DIP2C: variants seen among roughly 807,000 people sequenced by gnomAD.
DIP2C encodes DIP2 acetate--CoA ligase C (putative).
DIP2C carries 33 observed loss-of-function variants against 192.4 expected under a neutral mutation model. The observed-to-expected ratio is 0.17, with a 90% CI of 0.13 to 0.23. The LOEUF is 0.23. Ranked by LOEUF, DIP2C falls within the 10% of genes least tolerant of loss-of-function variation. The pLI, the probability that DIP2C is intolerant of heterozygous loss-of-function variation, is 1.00. For missense variants in DIP2C, 1,537 were observed against 2,110.1 expected (o/e 0.73, Z 5.32); for synonymous variants, 979 against 864.1 (o/e 1.13, Z -2.33).
chr10:550,808 G>C (rs1848543402), intron 1 of DIP2C, among the ~76,000 whole-genome samples: 1 of 152,226 alleles, frequency 6.6e-6, no homozygotes, highest in Non-Finnish European at 1.5e-5. Flanking sequence ...GAAGCAACAG[G>C]GAAGCAAGAA....
chr10:413,886 A>G (rs773657498), intron 8 of DIP2C, 27 bp downstream of exon 8: 1 of 1,602,856 alleles, frequency 6.2e-7, no homozygotes, highest in South Asian at 1.1e-5. Flanking sequence ...GGGTGGGCAA[A>G]GGGCAGAGAG....
chr10:610,820 A>G (rs567431921), intron 1 of DIP2C, among the ~76,000 whole-genome samples: 1 of 144,394 alleles, frequency 6.9e-6, no homozygotes, highest in South Asian at 2.3e-4. Context: ...CTAACGCCCC[A>G]GTGTTGGAGG....
intron 1 of DIP2C, among the ~76,000 whole-genome samples, chr10:597,437 AAT>A (rs1291726720): frequency 6.9e-6 from 1 of 144,530 alleles, no homozygotes; most frequent in Non-Finnish European, 1.6e-5. Flanking sequence ...TTCTAGCCCC[AAT>A]ATCCCAGTGC....
intron 1 of DIP2C, among the ~76,000 whole-genome samples, chr10:498,449 T>A (rs1845007890): frequency 6.6e-6 from 1 of 152,122 alleles, no homozygotes; most frequent in Admixed American, 6.5e-5. Flanking sequence ...CAGGCGCCAG[T>A]GGAGATGCTT....
chr10:477,178 CAA>C (rs140620187), intron 2 of DIP2C, among the ~76,000 whole-genome samples: 1,953 of 143,034 alleles, frequency 0.014, 52 homozygotes, highest in African/African-American at 0.049. Context: ...ACAGGCTTAG[CAA>C]AGTCAGCAAA....
intron 1 of DIP2C, among the ~76,000 whole-genome samples, chr10:637,112 T>C (rs567896492): frequency 1.3e-5 from 2 of 152,384 alleles, no homozygotes; most frequent in Admixed American, 6.5e-5. Flanking sequence ...CGGTCCCACC[T>C]GCGTAAGATG....
Position 398,088 on chromosome 10 carries a change from T to C in DIP2C, c.1260+1021A>G, listed in dbSNP as rs541912591. 3.4e-4 allele frequency among the ~76,000 whole-genome samples: 52 copies of C among 152,352 alleles called. 1 individual carries two copies. The highest frequency in any genetic ancestry group is 6.3e-4 in the Non-Finnish European group (43 of 68,034). On this transcript the variant is annotated intron_variant, in intron 10 of 36. Transcript: ENST00000280886. ...CTCAAAATATATTTCTTTGACATAG[T>C]TTGAAATAGCCCTATAAAGCTCTCT...
At chr10:626,937 C>T (rs1854240509) in intron 1 of DIP2C, among the ~76,000 whole-genome samples, 1 of 152,272 alleles carries the variant, frequency 6.6e-6, no homozygotes, top group South Asian at 2.1e-4. Flanking sequence ...TTTCCACCCA[C>T]CAGCTACCAC....
intron 24 of DIP2C, among the ~76,000 whole-genome samples, chr10:351,108 C>A (rs78121132): frequency 0.016 from 2,456 of 152,186 alleles, 71 homozygotes; most frequent in African/African-American, 0.056. Flanking sequence ...CCAGACACTG[C>A]GATTCAGAGT....
rs1357372019 is a variant in DIP2C, at chr10:636,656, C to A, written c.85+52838G>T. ...TCTTTTCTATCTGGGCCACACACTG[C>A]GCCGAGTGACTCTCCTTCCCCATCT... On this transcript the variant is annotated intron_variant, in intron 1 of 36. Coordinates refer to ENST00000280886, the MANE Select transcript of DIP2C (RefSeq NM_014974.3). This position sits in a 1 kb window ranked among gnomAD's most constrained non-coding sequence, Gnocchi z 4.6. 6.6e-6 allele frequency among the ~76,000 whole-genome samples: 1 copy of A among 152,230 alleles called. No homozygotes were observed. The highest frequency in any genetic ancestry group is 1.5e-5 in the Non-Finnish European group (1 of 68,046).
In DIP2C at chr10:362,559, G is replaced by A. The variant is rs1314026483; in HGVS notation, c.2725C>T (p.Pro909Ser). 2 of 1,614,096 alleles carry A rather than the reference G, an allele frequency of 1.2e-6. No homozygotes were observed. Among genetic ancestry groups the A allele is most frequent in the African/African-American group, 1.3e-5 (1 of 75,036 alleles). Residue 909 changes from proline (P) to serine (S), a missense_variant, in exon 22 of 37, where the codon CCC (proline) becomes TCC (serine). By Grantham distance (74) the Pro-to-Ser change is moderately conservative. Around this residue, in one of 4 missense-constraint regions of DIP2C, gnomAD observed 677 missense variants for 989.9 expected, o/e 0.68. Coordinates refer to ENST00000280886, the MANE Select transcript of DIP2C (RefSeq NM_014974.3). Reference protein sequence around the residue: ...KQLFLEGSLHPCNVLMCPHTC... With the variant: ...KQLFLEGSLHSCNVLMCPHTC... ...TGGGGGCACATTAGGACATTGCAGGGGTGCAGAGAGCCCTCCAGAAAAAGC... is the reference window on the plus strand; with the variant it reads ...TGGGGGCACATTAGGACATTGCAGGAGTGCAGAGAGCCCTCCAGAAAAAGC...
At chr10:506,134 T>C (rs1467600039) in intron 1 of DIP2C, among the ~76,000 whole-genome samples, 3 of 152,144 alleles carry the variant, frequency 2.0e-5, no homozygotes, top group Non-Finnish European at 4.4e-5. Context: ...ATGCTTCCCA[T>C]GCTCGTTACC....
At position 274,638 on chromosome 10, in the gene DIP2C, A is replaced by G. The variant is rs989124176; in HGVS notation, c.*2687T>C. On this transcript the variant is annotated 3_prime_UTR_variant, in exon 37 of 37. Coordinates refer to ENST00000280886, the MANE Select transcript of DIP2C (RefSeq NM_014974.3). Reference sequence around the variant, plus strand: ...ACATGAGTTTCTCTAACCAGTCACCACACTCTGAAATAACGCTGCTAACAT... The same window carrying G: ...ACATGAGTTTCTCTAACCAGTCACCGCACTCTGAAATAACGCTGCTAACAT... The G allele has an allele frequency of 3.3e-5, 5 of 152,216 alleles. No homozygotes were observed. The highest frequency in any genetic ancestry group is 4.8e-5 in the African/African-American group (2 of 41,456). 9.4% of individuals were successfully genotyped at this position (152,216 alleles called of 1,614,324 possible). A position where few individuals can be genotyped will look rare whatever the true frequency, so the allele number is the denominator to read the frequency against.
chr10:662,087 G>C (rs781782215), intron 1 of DIP2C: 2 of 717,386 alleles, frequency 2.8e-6, no homozygotes, highest in Non-Finnish European at 5.2e-6. Flanking sequence ...GATTCTCTCC[G>C]AAGCCCTCAG....
At chr10:548,477 AG>A (rs1296846272) in intron 1 of DIP2C, among the ~76,000 whole-genome samples, 11 of 149,156 alleles carry the variant, frequency 7.4e-5, no homozygotes, top group African/African-American at 2.3e-4. Flanking sequence ...GCAGGCAGGC[AG>A]GCAGTGAGGC....
At chr10:671,747 TCACAGACGCACGGACGGAGGAAACGC>T (rs1830653226) in intron 1 of DIP2C, among the ~76,000 whole-genome samples, 3 of 37,012 alleles carry the variant, frequency 8.1e-5, no homozygotes, top group South Asian at 1.2e-3. Flanking sequence ...GGAGGAAACG[TCACAGACGCACGGACGGAGGAAACGC>T]CACAGACGCA....
chr10:671,490 C>T (rs536910545), intron 1 of DIP2C, among the ~76,000 whole-genome samples: 2 of 117,520 alleles, frequency 1.7e-5, no homozygotes, highest in African/African-American at 6.8e-5. Flanking sequence ...ACGCCACAGA[C>T]GCACGGACGG....
chr10:422,920 C>T lies in DIP2C; in HGVS notation c.508G>A (p.Gly170Ser), dbSNP rs1485067164. The T allele has an allele frequency of 3.7e-6, 6 of 1,614,078 alleles. No homozygotes were observed. The highest frequency in any genetic ancestry group is 5.1e-6 in the Non-Finnish European group (6 of 1,180,036). The part of the protein sequence containing the change: ...MEHWISQAIH[G>S]STTSTTSSSS... ...GAGGAGGTGGTGGACGTGGTGGAGC[C>T]GTGGATGGCCTGGCTGATCCAGTGC... Residue 170 changes from glycine (G) to serine (S), a missense_variant, in exon 5 of 37, where the codon GGC (glycine) becomes AGC (serine). Physicochemically the swap from Gly to Ser is moderately conservative, Grantham distance 56 (BLOSUM62 0). Around this residue, in one of 4 missense-constraint regions of DIP2C, gnomAD observed 473 missense variants for 539.6 expected, o/e 0.88. Transcript: ENST00000280886.
chr10:297,236 C>A (rs1029599188), intron 32 of DIP2C, among the ~76,000 whole-genome samples: 6 of 73,402 alleles, frequency 8.2e-5, no homozygotes, highest in Non-Finnish European at 1.4e-4. Context: ...CCCCACCCCA[C>A]CACATACACA....
Sources: allele counts gnomAD v4.1 joint callset (sites outside exome capture counted in the v4.1 genomes callset), GRCh38; gene constraint gnomAD v4.1.1; regional missense constraint gnomAD v4.1.1; non-coding constraint Gnocchi (gnomAD v3.1); transcripts MANE v1.5; gene names NCBI Gene and HGNC (gene_info 2026-07-23, HGNC 2026-07-21).